Variants in JAZF1 observed in about 807,000 individuals in gnomAD.
The protein encoded by JAZF1 is JAZF zinc finger 1, also known as juxtaposed with another zinc finger protein 1.
Under a neutral mutation model 26.4 loss-of-function variants are expected in JAZF1, and 8 were observed. The ratio of observed to expected loss-of-function variants is 0.30; its 90% CI spans 0.18 to 0.55. The LOEUF (loss-of-function observed/expected upper bound fraction) is 0.55, where lower values mean the gene tolerates loss of function less well. Among genes scored for constraint, JAZF1 ranks in the 20% least tolerant of loss-of-function variants. The probability of loss-of-function intolerance (pLI) is 0.94; values close to 1 mark genes in which losing one functional copy is unlikely to be tolerated. For missense variants in JAZF1, 199 were observed against 322.0 expected (o/e 0.62, Z 2.92); for synonymous variants, 126 against 122.3 (o/e 1.03, Z -0.20).
At chr7:28,121,993 T>A (rs1281500142) in intron 1 of JAZF1, among the ~76,000 whole-genome samples, 2 of 152,192 alleles carry the variant, frequency 1.3e-5, no homozygotes, top group African/African-American at 4.8e-5. Flanking sequence ...GTTTTCAAGA[T>A]CAAAGAATAT....
intron 1 of JAZF1, among the ~76,000 whole-genome samples, chr7:28,134,717 T>A (rs1782852280): frequency 6.6e-6 from 1 of 152,182 alleles, no homozygotes; most frequent in Non-Finnish European, 1.5e-5. Flanking sequence ...GTGATATATT[T>A]ATTTTTTTTT....
chr7:28,179,716 C>G (rs1465639229), intron 1 of JAZF1, among the ~76,000 whole-genome samples: 1 of 147,918 alleles, frequency 6.8e-6, no homozygotes, highest in African/African-American at 2.4e-5. Context: ...CCAGAGCCCC[C>G]GGGCCCGCGT....
intron 2 of JAZF1, among the ~76,000 whole-genome samples, chr7:27,897,476 C>T (rs115560830): frequency 6.6e-6 from 1 of 151,748 alleles, no homozygotes; most frequent in African/African-American, 2.4e-5. Flanking sequence ...CCTTTCTACA[C>T]GGGAGTCTGA....
At chr7:27,901,598 A>G (rs964638584) in intron 2 of JAZF1, among the ~76,000 whole-genome samples, 1 of 152,178 alleles carries the variant, frequency 6.6e-6, no homozygotes, top group Middle Eastern at 3.2e-3. Flanking sequence ...TGAAGTGACC[A>G]CTTGAAACTG....
In JAZF1 at chr7:28,080,006, G is replaced by A. The variant is rs541135704; in HGVS notation, c.116-88025C>T. Among the ~76,000 whole-genome samples the A allele has an allele frequency of 1.2e-4, 19 of 152,254 alleles. 1 individual carries two copies. In the South Asian group the frequency reaches 3.5e-3, roughly 28 times the overall value. ...CACTATACTGTAGTCTATAAAGTGT[G>A]CAATAACATGTCTTTAAAAAGTATA... On this transcript the variant is annotated intron_variant, in intron 1 of 4. Coordinates refer to ENST00000283928, the MANE Select transcript of JAZF1 (RefSeq NM_175061.4).
At chr7:28,178,445 ACTG>A (rs1245500037) in intron 1 of JAZF1, among the ~76,000 whole-genome samples, 3 of 152,192 alleles carry the variant, frequency 2.0e-5, no homozygotes, top group African/African-American at 7.2e-5. Context: ...TTCTGAAATA[ACTG>A]TTAGCGAGAA....
rs1554274814 is a variant in JAZF1, at chr7:27,909,002, T to TATTAATTA, written c.189-13587_189-13586insTAATTAAT. ...TTCAGGTAAGTACACACTTGAATAA[T>TATTAATTA]ATTCATTCATTCATTCATTCATTCA... is the stretch of plus-strand genomic sequence containing the variant. On this transcript the variant is annotated intron_variant, in intron 2 of 4. Coordinates refer to ENST00000283928, the MANE Select transcript of JAZF1 (RefSeq NM_175061.4). 8.1e-3 allele frequency among the ~76,000 whole-genome samples: 1,219 copies of TATTAATTA among 151,164 alleles called. 9 individuals are homozygous for TATTAATTA. The highest frequency in any genetic ancestry group is 0.017 in the African/African-American group (710 of 40,926).
chr7:27,855,491 G>A (rs569352059), intron 3 of JAZF1, among the ~76,000 whole-genome samples: 1 of 151,872 alleles, frequency 6.6e-6, no homozygotes, highest in Non-Finnish European at 1.5e-5. Context: ...AGAAAAGAGA[G>A]AAGAATCAAA....
At chr7:28,128,002 G>A (rs934296255) in intron 1 of JAZF1, among the ~76,000 whole-genome samples, 16 of 152,074 alleles carry the variant, frequency 1.1e-4, no homozygotes, top group African/African-American at 3.6e-4. Flanking sequence ...ATTTGGGTGG[G>A]GACGCAGCCA....
At chr7:27,998,071 A>AAGGCAGGCAGGCAGGCAGGCAGGC (rs1554280810) in intron 1 of JAZF1, among the ~76,000 whole-genome samples, 24 of 111,602 alleles carry the variant, frequency 2.2e-4, no homozygotes, top group Non-Finnish European at 3.1e-4. Context: ...GGAAGGAAGG[A>AAGGCAGGCAGGCAGGCAGGCAGGC]AGGCAGGCAG....
chr7:27,861,432 AT>A (rs563796187), intron 3 of JAZF1, among the ~76,000 whole-genome samples: 1,626 of 146,982 alleles, frequency 0.011, 21 homozygotes, highest in Middle Eastern at 0.024. Context: ...TAAATCTCTG[AT>A]TTTTTTTTTC....
In JAZF1 at chr7:28,074,165, C is replaced by A. The variant is rs146542864; in HGVS notation, c.116-82184G>T. The stretch of plus-strand genomic sequence containing the variant: ...GGCAAGGATGTTTACATTATTTGTC[C>A]TAAGTAATTAATTTGCCCCAAATAA... On this transcript the variant is annotated intron_variant, in intron 1 of 4. Coordinates refer to ENST00000283928, the MANE Select transcript of JAZF1 (RefSeq NM_175061.4). 2.1e-3 allele frequency among the ~76,000 whole-genome samples: 324 copies of A among 152,180 alleles called. 2 individuals are homozygous for A. The East Asian group carries it at 0.023, about 11-fold the overall frequency.
At chr7:27,897,598 T>C (rs1234353798) in intron 2 of JAZF1, among the ~76,000 whole-genome samples, 3 of 152,256 alleles carry the variant, frequency 2.0e-5, no homozygotes, top group Non-Finnish European at 4.4e-5. Flanking sequence ...CTGGAGGATC[T>C]AGGAACCTGT....
chr7:27,880,709 G>C (rs938749342), intron 3 of JAZF1, among the ~76,000 whole-genome samples: 2 of 152,178 alleles, frequency 1.3e-5, no homozygotes, highest in African/African-American at 4.8e-5. Flanking sequence ...CTGTTGCCCA[G>C]GCTGAAGTGC....
chr7:28,151,315 G>A (rs1783109228), intron 1 of JAZF1, among the ~76,000 whole-genome samples: 1 of 151,728 alleles, frequency 6.6e-6, no homozygotes, highest in Non-Finnish European at 1.5e-5. Flanking sequence ...ATGTTGCCCA[G>A]GCTGGTCTTA....
intron 1 of JAZF1, among the ~76,000 whole-genome samples, chr7:28,056,539 C>T (rs1256296024): frequency 6.6e-6 from 1 of 152,000 alleles, no homozygotes; most frequent in East Asian, 1.9e-4. Context: ...TGAAATTTCA[C>T]AGAAGAAATC....
intron 2 of JAZF1, among the ~76,000 whole-genome samples, chr7:27,906,717 T>C (rs1413274421): frequency 6.6e-6 from 1 of 152,258 alleles, no homozygotes; most frequent in Non-Finnish European, 1.5e-5. Context: ...CACAAGTCTT[T>C]GGTTTGGAGA....
chr7:28,064,402 T>C (rs1014908246), intron 1 of JAZF1, among the ~76,000 whole-genome samples: 5 of 152,142 alleles, frequency 3.3e-5, no homozygotes, highest in African/African-American at 1.2e-4. Context: ...GCAAGATTTC[T>C]GGAAACTGAT....
At chr7:27,887,205 T>C (rs1562519127) in intron 3 of JAZF1, among the ~76,000 whole-genome samples, 1 of 152,032 alleles carries the variant, frequency 6.6e-6, no homozygotes, top group African/African-American at 2.4e-5. Flanking sequence ...GATGAAATAA[T>C]CTGGACAATA....
Sources: gnomAD v4.1 joint callset for allele counts (sites outside exome capture counted in the v4.1 genomes callset) on GRCh38, gnomAD v4.1.1 for gene constraint, MANE v1.5 for transcripts, NCBI Gene and HGNC (gene_info 2026-07-23, HGNC 2026-07-21) for gene names.